The following MFSD6 variants were observed in gnomAD, a reference collection of about 807,000 sequenced individuals.
MFSD6 encodes the protein major facilitator superfamily domain-containing protein 6.
In MFSD6, 26 loss-of-function variants were observed where a neutral mutation model predicts 56.3. The ratio of observed to expected loss-of-function variants is 0.46; its 90% CI spans 0.34 to 0.64. MFSD6 has a LOEUF of 0.64. Ranked by LOEUF, MFSD6 falls within the 30% of genes least tolerant of loss-of-function variation. The pLI is 0.01. For missense variants in MFSD6, 750 were observed against 986.2 expected, an observed-to-expected ratio of 0.76 and a Z score of 3.21; for synonymous variants, 331 against 366.9, an observed-to-expected ratio of 0.90 and a Z score of 1.12.
chr2:190,497,563 G>C lies in MFSD6; in HGVS notation c.2016G>C (p.Lys672Asn), dbSNP rs750764486. ...MPRIEPRLPP[K>N]KTKHQEEQED... Reference sequence around the variant, plus strand: ...GCATTGAGCCCAGACTTCCACCCAAGAAAACTAAGCACCAGGAAGAACAGG... The same window carrying C: ...GCATTGAGCCCAGACTTCCACCCAACAAAACTAAGCACCAGGAAGAACAGG... Residue 672 changes from lysine (K) to asparagine (N), a missense_variant, in exon 7 of 8, where the codon AAG becomes AAC. Lys to Asn is a moderately conservative substitution (Grantham distance 94). Coordinates refer to ENST00000392328, the MANE Select transcript of MFSD6 (RefSeq NM_017694.4). This position sits in a 1 kb window ranked among gnomAD's most constrained non-coding sequence, Gnocchi z 5.2. The C allele has an allele frequency of 6.2e-7, 1 of 1,614,166 alleles. No individual in the cohort carries two copies. The highest frequency in any genetic ancestry group is 8.5e-7 in the Non-Finnish European group (1 of 1,180,024).
rs180760573 is a variant in MFSD6 at position 190,449,976 on chromosome 2, G to A, written c.1532+12415G>A. Among the ~76,000 whole-genome samples, 807 of 151,802 alleles carry A rather than the reference G, an allele frequency of 5.3e-3. 6 individuals carry two copies. The highest frequency in any genetic ancestry group is 0.018 in the African/African-American group (762 of 41,350). ...ACATGTATACATATGTAACTAACCT[G>A]CACATTGTGCACGTGTACCCTAAAA... On this transcript the variant is annotated intron_variant, in intron 3 of 7. Transcript: ENST00000392328.
Position 190,433,470 on chromosome 2 carries a change from A to C in MFSD6, c.-53-2507A>C, listed in dbSNP as rs569239260. 1 of 152,312 alleles carries C rather than the reference A, an allele frequency of 6.6e-6. No homozygotes were observed. The highest frequency in any genetic ancestry group is 1.5e-5 in the Non-Finnish European group (1 of 68,014). The allele number at this position is 152,312 out of a possible 1,614,324, so 9.4% of individuals were successfully genotyped here. On this transcript the variant is annotated intron_variant, in intron 2 of 7. Coordinates refer to ENST00000392328, the MANE Select transcript of MFSD6 (RefSeq NM_017694.4). This position sits in a 1 kb window ranked among gnomAD's most constrained non-coding sequence, Gnocchi z 4.5. Reference sequence around the variant, plus strand: ...TTGCTTAACCTTCACATTTTCTAGGAGGAAAAAAATGTTTTTCTTTCACTA... The same window carrying C: ...TTGCTTAACCTTCACATTTTCTAGGCGGAAAAAAATGTTTTTCTTTCACTA...
intron 4 of MFSD6, among the ~76,000 whole-genome samples, chr2:190,474,755 C>T (rs948964158): frequency 6.6e-6 from 1 of 152,150 alleles, no homozygotes; most frequent in Non-Finnish European, 1.5e-5. Context: ...CTGGCACAGA[C>T]ACAACCAAAA....
chr2:190,469,428 CG>C lies in MFSD6; in HGVS notation c.1533-329del, dbSNP rs1687789127. 6.4e-6 allele frequency: 1 copy of C among 156,478 alleles called. No homozygotes were observed. Among genetic ancestry groups the C allele is most frequent in the Admixed American group, 6.5e-5 (1 of 15,378 alleles). 9.7% of individuals were successfully genotyped at this position (156,478 alleles called of 1,614,324 possible). A position where few individuals can be genotyped will look rare whatever the true frequency, so the allele number is the denominator to read the frequency against. ...AGTAATGTCATTACTGATGGCAGTG[CG>C]CCCAGACTATCTTAAAAAAGCATCA... On this transcript the variant is annotated intron_variant, in intron 3 of 7. Coordinates refer to ENST00000392328, the MANE Select transcript of MFSD6 (RefSeq NM_017694.4). The surrounding 1 kb of genome is among the most constrained non-coding windows in gnomAD (Gnocchi z 5.3).
At position 190,459,086 on chromosome 2, in the gene MFSD6, C is replaced by G. The variant is rs1687190506; in HGVS notation, c.1533-10672C>G. On this transcript the variant is annotated intron_variant, in intron 3 of 7. Coordinates refer to ENST00000392328, the MANE Select transcript of MFSD6 (RefSeq NM_017694.4). The surrounding 1 kb of genome is among the most constrained non-coding windows in gnomAD (Gnocchi z 5.3). Reference sequence around the variant, plus strand: ...GAGTCTCACCTGCAGCTTTGCTTCTCCAACTCCCTAGGGGTTTCTCCCAGA... The same window carrying G: ...GAGTCTCACCTGCAGCTTTGCTTCTGCAACTCCCTAGGGGTTTCTCCCAGA... 6.6e-6 allele frequency among the ~76,000 whole-genome samples: 1 copy of G among 152,198 alleles called. No individual in the cohort carries two copies. Among genetic ancestry groups the G allele is most frequent in the South Asian group, 2.1e-4 (1 of 4,828 alleles).
intron 1 of MFSD6, among the ~76,000 whole-genome samples, chr2:190,409,762 A>G (rs1415527326): frequency 2.0e-5 from 3 of 152,216 alleles, no homozygotes; most frequent in Non-Finnish European, 4.4e-5. Context: ...CTTGTTAAGT[A>G]AAAGGATAGG....
chr2:190,451,253 T>C lies in MFSD6; in HGVS notation c.1532+13692T>C, dbSNP rs1489934269. 1.3e-5 allele frequency among the ~76,000 whole-genome samples: 2 copies of C among 152,232 alleles called. No homozygotes were observed. The highest frequency in any genetic ancestry group is 2.9e-5 in the Non-Finnish European group (2 of 68,040). ...TCAGTAATTTTAGCTTTGTTAAGCC[T>C]CAGGTTCCTCATTGGTAAAACGGGG... On this transcript the variant is annotated intron_variant, in intron 3 of 7. Coordinates refer to ENST00000392328, the MANE Select transcript of MFSD6 (RefSeq NM_017694.4). The surrounding 1 kb of genome is among the most constrained non-coding windows in gnomAD (Gnocchi z 5.0).
intron 4 of MFSD6, among the ~76,000 whole-genome samples, chr2:190,483,196 A>G (rs369699530): frequency 6.6e-6 from 1 of 151,876 alleles, no homozygotes; most frequent in Non-Finnish European, 1.5e-5. Context: ...CCGGCCGACT[A>G]TCATCTTTTA....
At chr2:190,474,990 G>A (rs1204448381) in intron 4 of MFSD6, among the ~76,000 whole-genome samples, 1 of 152,170 alleles carries the variant, frequency 6.6e-6, no homozygotes, top group African/African-American at 2.4e-5. Context: ...AATAGATGCA[G>A]AAAAGCCTTT....
rs1164707386 is a variant in MFSD6, at chr2:190,459,933, G to GCT, written c.1533-9822_1533-9821dup. 2.0e-5 allele frequency among the ~76,000 whole-genome samples: 3 copies of GCT among 152,222 alleles called. No individual in the cohort carries two copies. Among genetic ancestry groups the GCT allele is most frequent in the Admixed American group, 6.5e-5 (1 of 15,284 alleles). ...CTCTGACATACAATGTGATTCTTAT[G>GCT]CTCTGTTCTACAAGGATGGGTCAGT... On this transcript the variant is annotated intron_variant, in intron 3 of 7. Transcript: ENST00000392328. This position sits in a 1 kb window ranked among gnomAD's most constrained non-coding sequence, Gnocchi z 5.3.
rs1249947364 is a variant in MFSD6, at chr2:190,456,219, G to A, written c.1533-13539G>A. Among the ~76,000 whole-genome samples, 2 of 152,086 alleles carry A rather than the reference G, an allele frequency of 1.3e-5. No homozygotes were observed. Among genetic ancestry groups the A allele is most frequent in the Non-Finnish European group, 2.9e-5 (2 of 68,020 alleles). On this transcript the variant is annotated intron_variant, in intron 3 of 7. Transcript: ENST00000392328. This position sits in a 1 kb window ranked among gnomAD's most constrained non-coding sequence, Gnocchi z 5.4. ...GCCTCCCAAAGTGCTAGGATTACAGGTGTGAGCCACCATGCCTGGCCTGCT... is the reference window on the plus strand; with the variant it reads ...GCCTCCCAAAGTGCTAGGATTACAGATGTGAGCCACCATGCCTGGCCTGCT...
At chr2:190,481,673 T>C (rs114348164) in intron 4 of MFSD6, among the ~76,000 whole-genome samples, 1,715 of 152,374 alleles carry the variant, frequency 0.011, 39 homozygotes, top group African/African-American at 0.038. Flanking sequence ...CCTAGCAGGC[T>C]ATCTGGCACA....
At chr2:190,421,006 A>T (rs62180992) in intron 2 of MFSD6, among the ~76,000 whole-genome samples, 1 of 152,138 alleles carries the variant, frequency 6.6e-6, no homozygotes, top group African/African-American at 2.4e-5. Context: ...ATCTGGACTT[A>T]TGTAACCAGA....
chr2:190,438,449 G>C lies in MFSD6; in HGVS notation c.1532+888G>C, dbSNP rs1686254313. Among the ~76,000 whole-genome samples the C allele has an allele frequency of 6.6e-6, 1 of 152,228 alleles. No homozygotes were observed. Among genetic ancestry groups the C allele is most frequent in the Non-Finnish European group, 1.5e-5 (1 of 68,044 alleles). On this transcript the variant is annotated intron_variant, in intron 3 of 7. Coordinates refer to ENST00000392328, the MANE Select transcript of MFSD6 (RefSeq NM_017694.4). This position sits in a 1 kb window ranked among gnomAD's most constrained non-coding sequence, Gnocchi z 5.2. ...AAGAATCACTTGAACCCAGGAGGCA[G>C]AGGTTGCAGTGAGTCAAGATCACAC...
chr2:190,434,804 A>G lies in MFSD6; in HGVS notation c.-53-1173A>G, dbSNP rs1686123130. On this transcript the variant is annotated intron_variant, in intron 2 of 7. Coordinates refer to ENST00000392328, the MANE Select transcript of MFSD6 (RefSeq NM_017694.4). This position sits in a 1 kb window ranked among gnomAD's most constrained non-coding sequence, Gnocchi z 4.3. ...GTTATTTTTCAGTTTAGTGTGTCTTAGAGCAGGGTTCCCCAACCCCTGGAC... is the reference window on the plus strand; with the variant it reads ...GTTATTTTTCAGTTTAGTGTGTCTTGGAGCAGGGTTCCCCAACCCCTGGAC... Among the ~76,000 whole-genome samples the G allele has an allele frequency of 6.6e-6, 1 of 152,218 alleles. No individual in the cohort carries two copies. The highest frequency in any genetic ancestry group is 1.5e-5 in the Non-Finnish European group (1 of 68,038).
chr2:190,449,293 G>A (rs866588071), intron 3 of MFSD6, among the ~76,000 whole-genome samples: 1 of 151,968 alleles, frequency 6.6e-6, no homozygotes, highest in Non-Finnish European at 1.5e-5. Context: ...GGTCAACATG[G>A]TGAAACCCCA....
rs766035931 is a variant in MFSD6, at chr2:190,496,223, A to G, written c.1892-1216A>G. On this transcript the variant is annotated intron_variant, in intron 6 of 7. Transcript: ENST00000392328. This position sits in a 1 kb window ranked among gnomAD's most constrained non-coding sequence, Gnocchi z 4.7. ...AAAGATACACAAATGGCCAACAAAC[A>G]TGAAACAATGGTCAACATCACTAGT... Among the ~76,000 whole-genome samples the G allele has an allele frequency of 2.0e-5, 3 of 152,228 alleles. No individual in the cohort carries two copies. The highest frequency in any genetic ancestry group is 2.9e-5 in the Non-Finnish European group (2 of 68,034).
chr2:190,452,590 G>A (rs949704019), intron 3 of MFSD6, among the ~76,000 whole-genome samples: 1 of 152,112 alleles, frequency 6.6e-6, no homozygotes, highest in Non-Finnish European at 1.5e-5. Flanking sequence ...AGCTTCATAG[G>A]CACAGGGTTA....
At position 190,494,118 on chromosome 2, in the gene MFSD6, C is replaced by G. The variant is rs1689526364; in HGVS notation, c.1892-3321C>G. ...ATTGATATATCATTAACAAGATTAA[C>G]CAAGAAAAGAAAAGAGAAAATCCAA... On this transcript the variant is annotated intron_variant, in intron 6 of 7. Coordinates refer to ENST00000392328, the MANE Select transcript of MFSD6 (RefSeq NM_017694.4). This position sits in a 1 kb window ranked among gnomAD's most constrained non-coding sequence, Gnocchi z 5.7. 6.6e-6 allele frequency among the ~76,000 whole-genome samples: 1 copy of G among 151,694 alleles called. No homozygotes were observed. The highest frequency in any genetic ancestry group is 2.4e-5 in the African/African-American group (1 of 41,314).
Sources: allele counts gnomAD v4.1 joint callset (sites outside exome capture counted in the v4.1 genomes callset), GRCh38; gene constraint gnomAD v4.1.1; non-coding constraint Gnocchi (gnomAD v3.1); transcripts MANE v1.5; gene names NCBI Gene and HGNC (gene_info 2026-07-23, HGNC 2026-07-21).